MYRFL: variants seen among roughly 807,000 people sequenced by gnomAD.
MYRFL encodes myelin regulatory factor like.
MYRFL carries 88 observed loss-of-function variants against 109.4 expected under a neutral mutation model. That is an observed-to-expected ratio of 0.80 (90% confidence interval 0.68 to 0.96). MYRFL has a LOEUF of 0.96. Among genes scored for constraint, MYRFL ranks in the 40% least tolerant of loss-of-function variants. MYRFL has a pLI of 0.00. For synonymous variants in MYRFL, 324 were observed against 320.9 expected (o/e 1.01, Z -0.10); for missense variants, 957 against 954.9 (o/e 1.00, Z -0.03).
intron 10 of MYRFL, among the ~76,000 whole-genome samples, chr12:69,897,821 A>G (rs10784801): frequency 0.32 from 48,060 of 151,970 alleles, 7,868 homozygotes; most frequent in African/African-American, 0.36. Context: ...TGTGATTGGT[A>G]GCACCAGGGC....
Position 69,891,591 on chromosome 12 carries a change from T to TTC in MYRFL, c.903+427_903+428dup, listed in dbSNP as rs1268218391. Among the ~76,000 whole-genome samples, 347 of 137,986 alleles carry TTC rather than the reference T, an allele frequency of 2.5e-3. 1 individual carries two copies. Among genetic ancestry groups the TTC allele is most frequent in the Non-Finnish European group, 3.5e-3 (228 of 64,546 alleles). The allele number at this position is 137,986 out of a possible 152,430, so 90.5% of individuals were successfully genotyped here. A position where few individuals can be genotyped will look rare whatever the true frequency, so the allele number is the denominator to read the frequency against. Reference sequence around the variant, plus strand: ...TTTCTTTCTTTCTTTCTTTCTTTCTTTCTTTCTTTCTTTCTCTTTCTTTCT... The same window carrying TTC: ...TTTCTTTCTTTCTTTCTTTCTTTCTTTCTCTTTCTTTCTTTCTCTTTCTTTCT... On this transcript the variant is annotated intron_variant, in intron 7 of 24. Coordinates refer to ENST00000552032, the MANE Select transcript of MYRFL (RefSeq NM_182530.3).
intron 1 of MYRFL, among the ~76,000 whole-genome samples, chr12:69,833,531 T>A (rs1357340852): frequency 6.6e-6 from 1 of 152,208 alleles, no homozygotes; most frequent in Non-Finnish European, 1.5e-5. Flanking sequence ...ATGCTTTACT[T>A]TATGTTGGAT....
intron 1 of MYRFL, among the ~76,000 whole-genome samples, chr12:69,854,146 A>G (rs113104233): frequency 0.021 from 3,157 of 152,264 alleles, 113 homozygotes; most frequent in African/African-American, 0.072. Context: ...GGAGCTGGAG[A>G]CCAGTCCGGC....
intron 1 of MYRFL, among the ~76,000 whole-genome samples, chr12:69,828,614 CAA>C (rs1156892171): frequency 1.3e-5 from 2 of 152,112 alleles, no homozygotes; most frequent in Admixed American, 6.6e-5. Flanking sequence ...AATTTCACCT[CAA>C]GTTTGAAATT....
intron 2 of MYRFL, among the ~76,000 whole-genome samples, chr12:69,864,311 G>A (rs1420082843): frequency 6.6e-6 from 1 of 151,770 alleles, no homozygotes; most frequent in Admixed American, 6.6e-5. Flanking sequence ...TTTTGCACAG[G>A]TCACTGAGGC....
chr12:69,955,095 CT>C (rs975977670), intron 21 of MYRFL, among the ~76,000 whole-genome samples: 2 of 152,112 alleles, frequency 1.3e-5, no homozygotes, highest in African/African-American at 4.8e-5. Context: ...TAGGATTTGA[CT>C]TTCCATCATT....
chr12:69,923,692 TA>T (rs1566028232), intron 13 of MYRFL, among the ~76,000 whole-genome samples: 1 of 151,968 alleles, frequency 6.6e-6, no homozygotes, highest in African/African-American at 2.4e-5. Context: ...ATTTTTTTTT[TA>T]AATTTTTATT....
At position 69,910,732 on chromosome 12, in the gene MYRFL, T is replaced by C. The variant is rs1196181294; in HGVS notation, c.1493-89T>C. 15 of 838,778 alleles carry C rather than the reference T, an allele frequency of 1.8e-5. No homozygotes were observed. The East Asian group carries it at 4.2e-4, about 23-fold the overall frequency. The allele number at this position is 838,778 out of a possible 1,614,324, so 52.0% of individuals were successfully genotyped here. ...CAAAATTCCTTCTTTGCTGCAAATG[T>C]ATTGTAGATCAAAGCAAAAGCTTAG... is the stretch of plus-strand genomic sequence containing the variant. On this transcript the variant is annotated intron_variant, in intron 12 of 24. Coordinates refer to ENST00000552032, the MANE Select transcript of MYRFL (RefSeq NM_182530.3).
At chr12:69,892,133 G>A (rs1483035243) in intron 7 of MYRFL, among the ~76,000 whole-genome samples, 1 of 151,904 alleles carries the variant, frequency 6.6e-6, no homozygotes, top group Non-Finnish European at 1.5e-5. Flanking sequence ...ATATGAAGTA[G>A]ATTCATTATT....
intron 19 of MYRFL, among the ~76,000 whole-genome samples, chr12:69,951,728 C>T (rs1210850891): frequency 2.0e-5 from 3 of 152,152 alleles, no homozygotes; most frequent in African/African-American, 7.2e-5. Context: ...ATGCCTGGCT[C>T]CTAATCTTCT....
At chr12:69,908,026 A>G (rs373982992) in intron 11 of MYRFL, among the ~76,000 whole-genome samples, 1 of 151,936 alleles carries the variant, frequency 6.6e-6, no homozygotes, top group African/African-American at 2.4e-5. Flanking sequence ...TGCAGATGTC[A>G]TTCAGGGCAT....
intron 19 of MYRFL, among the ~76,000 whole-genome samples, chr12:69,945,846 G>A (rs1955817563): frequency 1.3e-5 from 2 of 149,760 alleles, no homozygotes; most frequent in Non-Finnish European, 1.5e-5. Flanking sequence ...AATTAGCCGG[G>A]CGTAGTGGCG....
chr12:69,931,519 C>T (rs1323182649), intron 15 of MYRFL, among the ~76,000 whole-genome samples: 1 of 152,148 alleles, frequency 6.6e-6, no homozygotes, highest in Non-Finnish European at 1.5e-5. Context: ...ATAACTAGCC[C>T]AATAAATTAA....
chr12:69,833,928 T>C (rs1396061809), intron 1 of MYRFL, among the ~76,000 whole-genome samples: 2 of 143,906 alleles, frequency 1.4e-5, no homozygotes, highest in African/African-American at 2.6e-5. Flanking sequence ...CCTTAGAAAA[T>C]CCCAGCTCTA....
chr12:69,900,605 G>A (rs1954151554), intron 10 of MYRFL, among the ~76,000 whole-genome samples: 1 of 152,096 alleles, frequency 6.6e-6, no homozygotes, highest in South Asian at 2.1e-4. Context: ...GTATTTCTAG[G>A]TCCTTTTTCT....
chr12:69,837,991 C>CA (rs1883048010), intron 1 of MYRFL, among the ~76,000 whole-genome samples: 1 of 152,168 alleles, frequency 6.6e-6, no homozygotes, highest in African/African-American at 2.4e-5. Context: ...ATAAAAAACT[C>CA]AAATCCCTTT....
intron 21 of MYRFL, among the ~76,000 whole-genome samples, chr12:69,953,608 A>G (rs1010845064): frequency 7.2e-5 from 11 of 152,066 alleles, no homozygotes; most frequent in African/African-American, 2.7e-4. Context: ...GTCTCTCCAA[A>G]CAAACAAACA....
chr12:69,858,372 G>A (rs988940824), intron 2 of MYRFL, among the ~76,000 whole-genome samples: 5 of 151,730 alleles, frequency 3.3e-5, no homozygotes, highest in African/African-American at 1.2e-4. Context: ...TCTAAAATTC[G>A]TTGGGAAATT....
At chr12:69,831,827 C>T (rs17813725) in intron 1 of MYRFL, among the ~76,000 whole-genome samples, 16,404 of 152,046 alleles carry the variant, frequency 0.11, 1,217 homozygotes, top group Middle Eastern at 0.18. Context: ...TTATTCCTTA[C>T]CTTGTTTATT....
Sources: allele counts gnomAD v4.1 joint callset (sites outside exome capture counted in the v4.1 genomes callset), GRCh38; gene constraint gnomAD v4.1.1; transcripts MANE v1.5; gene names NCBI Gene and HGNC (gene_info 2026-07-23, HGNC 2026-07-21).